PRKCE: variants seen among roughly 807,000 people sequenced by gnomAD.
PRKCE encodes protein kinase C epsilon.
A neutral mutation model predicts 85.4 loss-of-function variants in PRKCE; 16 were observed. The observed-to-expected ratio is 0.19, with a 90% CI of 0.13 to 0.28. PRKCE has a LOEUF of 0.28. Among genes scored for constraint, PRKCE ranks in the 10% least tolerant of loss-of-function variants. The pLI, the probability that PRKCE is intolerant of heterozygous loss-of-function variation, is 1.00. For synonymous variants in PRKCE, 388 were observed against 371.5 expected (o/e 1.04, Z -0.51); for missense variants, 573 against 975.2 (o/e 0.59, Z 5.49).
chr2:45,792,128 G>T (rs1487759112), intron 1 of PRKCE, among the ~76,000 whole-genome samples: 1 of 152,170 alleles, frequency 6.6e-6, no homozygotes, highest in East Asian at 1.9e-4. Flanking sequence ...TTGGCATCTG[G>T]TGAGGGCTTT....
chr2:46,009,120 C>G (rs1192784422), intron 9 of PRKCE, among the ~76,000 whole-genome samples: 1 of 152,134 alleles, frequency 6.6e-6, no homozygotes, highest in East Asian at 1.9e-4. Context: ...GATAGGAACA[C>G]TTTAAGAACA....
chr2:46,020,792 G>A (rs963694683), intron 10 of PRKCE, among the ~76,000 whole-genome samples: 1 of 152,190 alleles, frequency 6.6e-6, no homozygotes, highest in Non-Finnish European at 1.5e-5. Flanking sequence ...ATATGACAAG[G>A]CACAGCAAAC....
intron 1 of PRKCE, among the ~76,000 whole-genome samples, chr2:45,778,904 A>G (rs73926086): frequency 0.068 from 10,412 of 152,220 alleles, 897 homozygotes; most frequent in African/African-American, 0.2. Flanking sequence ...CTTCCCAGTG[A>G]GTGGATCCAC....
chr2:45,822,675 C>A (rs1338784111), intron 1 of PRKCE, among the ~76,000 whole-genome samples: 5 of 152,148 alleles, frequency 3.3e-5, no homozygotes, highest in African/African-American at 1.2e-4. Context: ...GGTTGGGGTG[C>A]CTTTGGAGGT....
chr2:45,683,779 G>T (rs569264392), intron 1 of PRKCE, among the ~76,000 whole-genome samples: 8 of 152,258 alleles, frequency 5.3e-5, no homozygotes, highest in African/African-American at 1.4e-4. Context: ...TGTGTGCTCC[G>T]TCCTCCCAGC....
chr2:45,830,616 C>T (rs999697984), intron 1 of PRKCE, among the ~76,000 whole-genome samples: 2 of 152,276 alleles, frequency 1.3e-5, no homozygotes, highest in South Asian at 2.1e-4. Context: ...CCCACAAATT[C>T]AGTTTCATTT....
At chr2:45,855,620 C>T (rs546008058) in intron 2 of PRKCE, among the ~76,000 whole-genome samples, 12 of 152,180 alleles carry the variant, frequency 7.9e-5, no homozygotes, top group Non-Finnish European at 1.3e-4. Context: ...GCAACACAAG[C>T]CCTTGACTTT....
intron 1 of PRKCE, among the ~76,000 whole-genome samples, chr2:45,761,326 C>CAAAAAAAAA (rs370710295): frequency 1.2e-5 from 1 of 82,254 alleles, no homozygotes. Flanking sequence ...GACTCCATCT[C>CAAAAAAAAA]AAAAAAAAAA....
intron 2 of PRKCE, among the ~76,000 whole-genome samples, chr2:45,899,751 G>A (rs986862610): frequency 1.6e-4 from 25 of 152,182 alleles, no homozygotes; most frequent in African/African-American, 6.0e-4. Context: ...AAGTGGCTGG[G>A]CCTGTAGGTA....
chr2:45,968,813 C>T (rs1701907059), intron 2 of PRKCE, among the ~76,000 whole-genome samples: 1 of 151,970 alleles, frequency 6.6e-6, no homozygotes, highest in African/African-American at 2.4e-5. Context: ...GCAGTGAAAA[C>T]TTCAATGACC....
chr2:46,168,333 C>T (rs1457230055), intron 14 of PRKCE, among the ~76,000 whole-genome samples: 2 of 152,192 alleles, frequency 1.3e-5, no homozygotes, highest in African/African-American at 4.8e-5. Flanking sequence ...CACCTGGGAG[C>T]ATGGGAGGAC....
chr2:45,773,109 G>A (rs923001641), intron 1 of PRKCE, among the ~76,000 whole-genome samples: 2 of 152,162 alleles, frequency 1.3e-5, no homozygotes, highest in Non-Finnish European at 2.9e-5. Flanking sequence ...CCCTCCGAGG[G>A]GCTTTTGAGC....
At chr2:45,844,416 A>G (rs1463332106) in intron 2 of PRKCE, among the ~76,000 whole-genome samples, 1 of 152,240 alleles carries the variant, frequency 6.6e-6, no homozygotes, top group Non-Finnish European at 1.5e-5. Flanking sequence ...AGAAGATTTG[A>G]GGATTTAACA....
intron 2 of PRKCE, among the ~76,000 whole-genome samples, chr2:45,918,007 G>C (rs1333121628): frequency 6.6e-6 from 1 of 152,236 alleles, no homozygotes; most frequent in African/African-American, 2.4e-5. Context: ...CGGAACTCTA[G>C]CTGGCCCGCT....
chr2:45,886,186 A>G (rs1007654351), intron 2 of PRKCE, among the ~76,000 whole-genome samples: 3 of 152,190 alleles, frequency 2.0e-5, no homozygotes, highest in African/African-American at 7.2e-5. Context: ...CTTAGAATGC[A>G]TGGTGAAGTG....
At chr2:46,055,063 A>G (rs1666433858) in intron 10 of PRKCE, among the ~76,000 whole-genome samples, 1 of 152,218 alleles carries the variant, frequency 6.6e-6, no homozygotes, top group African/African-American at 2.4e-5. Context: ...GTTCGTGATC[A>G]CATTCCTCCT....
At chr2:46,151,936 G>C (rs1676677338) in intron 13 of PRKCE, among the ~76,000 whole-genome samples, 1 of 152,220 alleles carries the variant, frequency 6.6e-6, no homozygotes, top group Non-Finnish European at 1.5e-5. Flanking sequence ...CTGAGGTACA[G>C]GGAAGTTAAG....
At chr2:45,695,874 G>A (rs1037987286) in intron 1 of PRKCE, among the ~76,000 whole-genome samples, 1 of 152,182 alleles carries the variant, frequency 6.6e-6, no homozygotes, top group African/African-American at 2.4e-5. Context: ...AGATTTTAAC[G>A]TCAGGCTGAC....
intron 2 of PRKCE, among the ~76,000 whole-genome samples, chr2:45,873,863 A>T (rs535488561): frequency 1.3e-5 from 2 of 152,344 alleles, no homozygotes; most frequent in Admixed American, 1.3e-4. Context: ...CCCCAAAAAA[A>T]CCAACTGAGT....
Sources: gnomAD v4.1 joint callset for allele counts (sites outside exome capture counted in the v4.1 genomes callset) on GRCh38, gnomAD v4.1.1 for gene constraint, MANE v1.5 for transcripts, NCBI Gene and HGNC (gene_info 2026-07-23, HGNC 2026-07-21) for gene names.